Variants in PIGB observed in about 807,000 individuals in gnomAD.
The protein encoded by PIGB is phosphatidylinositol glycan anchor biosynthesis class B.
Under a neutral mutation model 68.4 loss-of-function variants are expected in PIGB, and 58 were observed. The ratio of observed to expected loss-of-function variants is 0.85; its 90% CI spans 0.69 to 1.06. PIGB has a LOEUF of 1.06. Among genes scored for constraint, PIGB ranks in the 50% least tolerant of loss-of-function variants. The probability of loss-of-function intolerance (pLI) is 0.00; values close to 1 mark genes in which losing one functional copy is unlikely to be tolerated. For synonymous variants in PIGB, 219 were observed against 220.5 expected (o/e 0.99, Z 0.06); for missense variants, 634 against 655.8 (o/e 0.97, Z 0.36).
chr15:55,351,019 T>G, intron 10 of PIGB, 107 bp downstream of exon 10: 1 of 631,872 alleles, frequency 1.6e-6, no homozygotes, highest in Non-Finnish European at 2.7e-6. Flanking sequence ...GATCAAATGA[T>G]AAATTTTAAA....
At chr15:55,338,638 C>A (rs2055591765) in intron 6 of PIGB, among the ~76,000 whole-genome samples, 1 of 152,012 alleles carries the variant, frequency 6.6e-6, no homozygotes, top group Non-Finnish European at 1.5e-5. Context: ...CAGAGCAAGA[C>A]CCTGTCTCTA....
chr15:55,350,299 G>A (rs960974468), intron 9 of PIGB: 1 of 175,962 alleles, frequency 5.7e-6, no homozygotes, highest in African/African-American at 2.4e-5. Context: ...GATTAAAGAG[G>A]TAGGTAAATG....
In PIGB at chr15:55,339,457, C is replaced by G. The variant is rs1027996845; in HGVS notation, c.846+139C>G. 37 of 600,740 alleles carry G rather than the reference C, an allele frequency of 6.2e-5. No individual in the cohort carries two copies. The Admixed American group carries it at 7.4e-4, about 12-fold the overall frequency. The allele number at this position is 600,740 out of a possible 1,614,324, so 37.2% of individuals were successfully genotyped here. A position where few individuals can be genotyped will look rare whatever the true frequency, so the allele number is the denominator to read the frequency against. On this transcript the variant is annotated intron_variant, in intron 7 of 11. Transcript: ENST00000164305. Reference sequence around the variant, plus strand: ...GGCATATCCTAATAAGCCTTTGGTTCAATTTGTTGTGCTTTCTACATAAAA... The same window carrying G: ...GGCATATCCTAATAAGCCTTTGGTTGAATTTGTTGTGCTTTCTACATAAAA...
In PIGB at chr15:55,321,279, T is replaced by C; in HGVS notation, c.306T>C (p.Gly102=). ...EVSHHMVFNY[G]YLTWEWTERL... is the part of the protein sequence containing the mutation. ...TACTCCTTAATGTTACTAATTATGG[T>C]TATTTGACTTGGGAATGGACAGAGA... Residue 102 remains glycine (G), a synonymous_variant, in exon 3 of 12, where the codon GGT becomes GGC. Coordinates refer to ENST00000164305, the MANE Select transcript of PIGB (RefSeq NM_004855.5). 1 of 1,600,024 alleles carries C rather than the reference T, an allele frequency of 6.2e-7. No individual in the cohort carries two copies. The highest frequency in any genetic ancestry group is 8.5e-7 in the Non-Finnish European group (1 of 1,172,426).
At chr15:55,347,533 G>A (rs2055822324) in intron 9 of PIGB, among the ~76,000 whole-genome samples, 1 of 152,142 alleles carries the variant, frequency 6.6e-6, no homozygotes, top group Non-Finnish European at 1.5e-5. Context: ...AAATAATACT[G>A]TGACATGTAG....
At chr15:55,341,220 G>A (rs2055663766) in intron 8 of PIGB, among the ~76,000 whole-genome samples, 1 of 152,176 alleles carries the variant, frequency 6.6e-6, no homozygotes, top group South Asian at 2.1e-4. Flanking sequence ...AATTACCAGG[G>A]CATGATGGCA....
chr15:55,320,542 T>C (rs1312927400), intron 2 of PIGB, 132 bp downstream of exon 2: 4 of 702,030 alleles, frequency 5.7e-6, no homozygotes, highest in Non-Finnish European at 7.1e-6. Flanking sequence ...TAGTGGATGC[T>C]TGAAACTGTA....
At position 55,354,818 on chromosome 15, in the gene PIGB, C is replaced by T. The variant is rs768748995; in HGVS notation, c.1358C>T (p.Pro453Leu). 1 of 1,611,256 alleles carries T rather than the reference C, an allele frequency of 6.2e-7. No individual in the cohort carries two copies. The highest frequency in any genetic ancestry group is 1.1e-5 in the South Asian group (1 of 90,182). ...PYYSHVHCPL[P>L]MRFLQCPPDL... The stretch of plus-strand genomic sequence containing the variant: ...CATAGCCATGTTCACTGCCCACTTC[C>T]CATGAGATTTCTCCAGTGCCCGCCA... The change falls in exon 11 of 12, where the codon CCC becomes CTC. Residue 453 changes from proline to leucine, a missense_variant. Coordinates refer to ENST00000164305, the MANE Select transcript of PIGB (RefSeq NM_004855.5).
At chr15:55,326,691 C>T (rs769702816) in intron 3 of PIGB, among the ~76,000 whole-genome samples, 15 of 151,668 alleles carry the variant, frequency 9.9e-5, no homozygotes, top group Non-Finnish European at 7.4e-5. Flanking sequence ...ATTGTGAAAC[C>T]CCGTCTCTAC....
At chr15:55,325,653 A>C (rs2055264594) in intron 3 of PIGB, among the ~76,000 whole-genome samples, 1 of 152,196 alleles carries the variant, frequency 6.6e-6, no homozygotes, top group Non-Finnish European at 1.5e-5. Flanking sequence ...GCGGTGGCTC[A>C]TGCCTGTAAT....
chr15:55,328,371 A>G (rs2055338360), intron 4 of PIGB, among the ~76,000 whole-genome samples: 2 of 133,678 alleles, frequency 1.5e-5, no homozygotes, highest in South Asian at 4.7e-4. Flanking sequence ...GCCTGTTTGA[A>G]AGTCTTAACT....
At chr15:55,352,723 C>A (rs1252575947) in intron 10 of PIGB, among the ~76,000 whole-genome samples, 1 of 152,114 alleles carries the variant, frequency 6.6e-6, no homozygotes, top group African/African-American at 2.4e-5. Context: ...TACCATTGCA[C>A]TCCAACCTGG....
chr15:55,336,144 A>C (rs562619948), intron 6 of PIGB, among the ~76,000 whole-genome samples: 2 of 152,244 alleles, frequency 1.3e-5, no homozygotes, highest in African/African-American at 4.8e-5. Flanking sequence ...AGTGGCTCAC[A>C]CCTGTAATCC....
At chr15:55,352,757 AAAAT>A (rs935671730) in intron 10 of PIGB, among the ~76,000 whole-genome samples, 1 of 152,190 alleles carries the variant, frequency 6.6e-6, no homozygotes, top group African/African-American at 2.4e-5. Context: ...ACTCAACCTA[AAAAT>A]AAATAAATAA....
chr15:55,338,418 G>C (rs1324115330), intron 6 of PIGB, among the ~76,000 whole-genome samples: 3 of 152,102 alleles, frequency 2.0e-5, no homozygotes, highest in African/African-American at 7.2e-5. Flanking sequence ...GGCCAATGGG[G>C]AAGTACTGCT....
rs1595763685 is a variant in PIGB, at chr15:55,320,093, C to T, written c.164-182C>T. On this transcript the variant is annotated intron_variant, in intron 1 of 11. Transcript: ENST00000164305. ...TTGGTTAAACTAAAAGAGTGGCAGTCACCCAGTGATGACGCTGTGGTGCTT... is the reference window on the plus strand; with the variant it reads ...TTGGTTAAACTAAAAGAGTGGCAGTTACCCAGTGATGACGCTGTGGTGCTT... 5 of 437,706 alleles carry T rather than the reference C, an allele frequency of 1.1e-5. No individual in the cohort carries two copies. The East Asian group carries it at 1.7e-4, about 15-fold the overall frequency. 27.1% of individuals were successfully genotyped at this position (437,706 alleles called of 1,614,324 possible).
intron 9 of PIGB, among the ~76,000 whole-genome samples, chr15:55,342,296 A>G: frequency 6.6e-6 from 1 of 152,200 alleles, no homozygotes; most frequent in Non-Finnish European, 1.5e-5. Flanking sequence ...CATTTTCACA[A>G]AGGAAAAATG....
chr15:55,342,850 A>C lies in PIGB; in HGVS notation c.1123+1048A>C, dbSNP rs541039389. Among the ~76,000 whole-genome samples the C allele has an allele frequency of 3.3e-5, 5 of 152,288 alleles. No homozygotes were observed. The South Asian group carries it at 1.0e-3, about 32-fold the overall frequency. ...GTTTTTACATTGGTTGGTTTGGAAA[A>C]ATTACGAATTGAAACTTTATTAACT... is the stretch of plus-strand genomic sequence containing the variant. On this transcript the variant is annotated intron_variant, in intron 9 of 11. Transcript: ENST00000164305.
At chr15:55,336,338 AT>A (rs2055535669) in intron 6 of PIGB, among the ~76,000 whole-genome samples, 1 of 152,122 alleles carries the variant, frequency 6.6e-6, no homozygotes, top group Admixed American at 6.5e-5. Flanking sequence ...GCAGTGAGCT[AT>A]GATCATTCCA....
Sources: allele counts gnomAD v4.1 joint callset (sites outside exome capture counted in the v4.1 genomes callset), GRCh38; gene constraint gnomAD v4.1.1; transcripts MANE v1.5; gene names NCBI Gene and HGNC (gene_info 2026-07-23, HGNC 2026-07-21).